The following SRGAP1 variants were observed in gnomAD, a reference collection of about 807,000 sequenced individuals.
SRGAP1 encodes SLIT-ROBO Rho GTPase-activating protein 1.
A neutral mutation model predicts 121.9 loss-of-function variants in SRGAP1; 43 were observed. The observed-to-expected ratio is 0.35, with a 90% CI of 0.28 to 0.46. The LOEUF is 0.46. Among genes scored for constraint, SRGAP1 ranks in the 20% least tolerant of loss-of-function variants. SRGAP1 has a pLI of 1.00. For missense variants in SRGAP1, 1,102 were observed against 1,350.9 expected (o/e 0.82, Z 2.89); for synonymous variants, 447 against 485.4 (o/e 0.92, Z 1.04).
At position 64,156,539 on chromosome 12, in the gene SRGAP1, G is replaced by A. The variant is rs931913202; in HGVS notation, c.*13867G>A. On this transcript the variant is annotated 3_prime_UTR_variant, in exon 22 of 22. Coordinates refer to ENST00000355086, the MANE Select transcript of SRGAP1 (RefSeq NM_020762.4). ...CTACAGGATGAAAGGGTATGAGCAC[G>A]TTTCTAGGTGCCCTGACCCCAAGAT... 3 of 152,176 alleles carry A rather than the reference G, an allele frequency of 2.0e-5. No individual in the cohort carries two copies. The highest frequency in any genetic ancestry group is 4.8e-5 in the African/African-American group (2 of 41,440). 9.4% of individuals were successfully genotyped at this position (152,176 alleles called of 1,614,324 possible).
chr12:64,115,721 A>C (rs1204243453), intron 17 of SRGAP1, 93 bp from the exon 18 acceptor site: 1 of 891,630 alleles, frequency 1.1e-6, no homozygotes, highest in East Asian at 2.8e-5. Context: ...AGATCACACC[A>C]CTGCACTCCA....
chr12:63,984,168 T>C (rs2033351862), intron 2 of SRGAP1, 26 bp downstream of exon 2: 4 of 1,319,154 alleles, frequency 3.0e-6, no homozygotes, highest in East Asian at 2.7e-5. Flanking sequence ...CTAATTCACC[T>C]TTCCAAGGGT....
chr12:64,010,725 T>A (rs2034228965), intron 3 of SRGAP1, among the ~76,000 whole-genome samples: 1 of 152,002 alleles, frequency 6.6e-6, no homozygotes, highest in African/African-American at 2.4e-5. Flanking sequence ...TTCAAGTGTG[T>A]AATAAGGACC....
chr12:63,900,199 T>TTTTTCTTTC (rs1900893089), intron 1 of SRGAP1, among the ~76,000 whole-genome samples: 1 of 3,386 alleles, frequency 3.0e-4, no homozygotes, highest in Non-Finnish European at 7.6e-4. Flanking sequence ...TTTCTTTTTC[T>TTTTTCTTTC]TTTTCTTTTT....
intron 21 of SRGAP1, among the ~76,000 whole-genome samples, chr12:64,134,047 T>C (rs2036823653): frequency 6.6e-6 from 1 of 152,122 alleles, no homozygotes; most frequent in Admixed American, 6.6e-5. Context: ...CTCCATTGTA[T>C]TTAAATTTTG....
At chr12:64,027,756 C>G (rs1276381368) in intron 4 of SRGAP1, among the ~76,000 whole-genome samples, 3 of 152,106 alleles carry the variant, frequency 2.0e-5, no homozygotes, top group Non-Finnish European at 4.4e-5. Context: ...CCTCTTATTT[C>G]TCTTTTTTTC....
At chr12:63,937,765 C>G (rs1424732222) in intron 1 of SRGAP1, among the ~76,000 whole-genome samples, 5 of 152,264 alleles carry the variant, frequency 3.3e-5, no homozygotes, top group Admixed American at 3.3e-4. Context: ...CTGTCCCTCA[C>G]TAATAACTAA....
chr12:64,064,230 G>A (rs1024901851), intron 7 of SRGAP1, among the ~76,000 whole-genome samples: 2 of 152,050 alleles, frequency 1.3e-5, no homozygotes, highest in Non-Finnish European at 2.9e-5. Context: ...GGCCAGTTCT[G>A]CTAAGGAGCA....
At chr12:63,933,078 C>T (rs917868251) in intron 1 of SRGAP1, among the ~76,000 whole-genome samples, 9 of 152,152 alleles carry the variant, frequency 5.9e-5, no homozygotes, top group African/African-American at 2.2e-4. Flanking sequence ...GTCCCAGCTA[C>T]TCAGGAGGCT....
intron 1 of SRGAP1, among the ~76,000 whole-genome samples, chr12:63,866,006 A>G (rs969878933): frequency 3.9e-5 from 6 of 152,210 alleles, no homozygotes; most frequent in Admixed American, 1.3e-4. Flanking sequence ...CGATGGAGAA[A>G]TAGTTTGTTG....
At chr12:63,898,819 G>A (rs1021554703) in intron 1 of SRGAP1, among the ~76,000 whole-genome samples, 5 of 152,146 alleles carry the variant, frequency 3.3e-5, no homozygotes, top group Non-Finnish European at 5.9e-5. Context: ...TGAATGCATA[G>A]ATACCTTTTG....
rs116153729 is a variant in SRGAP1 at position 63,905,933 on chromosome 12, G to A, written c.67+61050G>A. On this transcript the variant is annotated intron_variant, in intron 1 of 21. Coordinates refer to ENST00000355086, the MANE Select transcript of SRGAP1 (RefSeq NM_020762.4). ...TTGCAGCCTTGAAAAAACAGAATAA[G>A]CAACTGAGAAGCCTAAATTGATACA... Among the ~76,000 whole-genome samples, 1,047 of 152,254 alleles carry A rather than the reference G, an allele frequency of 6.9e-3. 6 individuals are homozygous for A. The highest frequency in any genetic ancestry group is 0.024 in the African/African-American group (994 of 41,552).
chr12:64,057,265 C>G (rs908429809), intron 6 of SRGAP1, among the ~76,000 whole-genome samples: 1 of 152,128 alleles, frequency 6.6e-6, no homozygotes, highest in Non-Finnish European at 1.5e-5. Flanking sequence ...TTTCTAAATG[C>G]TTGGTTACAG....
intron 1 of SRGAP1, among the ~76,000 whole-genome samples, chr12:63,961,381 T>C (rs2032637873): frequency 6.6e-6 from 1 of 152,202 alleles, no homozygotes; most frequent in Non-Finnish European, 1.5e-5. Flanking sequence ...CGCCCCCTTC[T>C]TTCCTCACCC....
chr12:63,972,067 T>C (rs1156995447), intron 1 of SRGAP1, among the ~76,000 whole-genome samples: 1 of 152,132 alleles, frequency 6.6e-6, no homozygotes, highest in Non-Finnish European at 1.5e-5. Flanking sequence ...AAGTCTCTAA[T>C]AGAAAGCTGG....
At chr12:63,935,733 G>A (rs7957857) in intron 1 of SRGAP1, among the ~76,000 whole-genome samples, 4,685 of 152,236 alleles carry the variant, frequency 0.031, 240 homozygotes, top group African/African-American at 0.11. Context: ...TTATGATGTT[G>A]TTATATTAAC....
At chr12:63,989,520 G>A (rs1273299118) in intron 2 of SRGAP1, among the ~76,000 whole-genome samples, 1 of 140,794 alleles carries the variant, frequency 7.1e-6, no homozygotes, top group East Asian at 2.1e-4. Flanking sequence ...TGTATGCCGT[G>A]GCAAAACCAC....
intron 6 of SRGAP1, among the ~76,000 whole-genome samples, chr12:64,050,090 T>C (rs2035210911): frequency 2.0e-5 from 3 of 152,192 alleles, no homozygotes; most frequent in African/African-American, 7.2e-5. Context: ...GTTTTTATTG[T>C]AGAGATCTTT....
chr12:64,149,718 C>T lies in SRGAP1; in HGVS notation c.*7046C>T, dbSNP rs2136663168. The stretch of plus-strand genomic sequence containing the variant: ...GCTTCTGCCTTGAGTAGTTGGGACT[C>T]CTAAAAAGGAAAATTCCCCAAGTTT... On this transcript the variant is annotated 3_prime_UTR_variant, in exon 22 of 22. Transcript: ENST00000355086. 1 of 152,162 alleles carries T rather than the reference C, an allele frequency of 6.6e-6. No homozygotes were observed. Among genetic ancestry groups the T allele is most frequent in the African/African-American group, 2.4e-5 (1 of 41,488 alleles). 9.4% of individuals were successfully genotyped at this position (152,162 alleles called of 1,614,324 possible). A position where few individuals can be genotyped will look rare whatever the true frequency, so the allele number is the denominator to read the frequency against.
Sources: gnomAD v4.1 joint callset for allele counts (sites outside exome capture counted in the v4.1 genomes callset) on GRCh38, gnomAD v4.1.1 for gene constraint, MANE v1.5 for transcripts, NCBI Gene and HGNC (gene_info 2026-07-23, HGNC 2026-07-21) for gene names.